Variants in FSTL4 observed in about 807,000 individuals in gnomAD.
FSTL4 encodes follistatin-related protein 4.
In FSTL4, 28 loss-of-function variants were observed where a neutral mutation model predicts 78.2. The observed-to-expected ratio is 0.36, with a 90% CI of 0.27 to 0.49. FSTL4 has a LOEUF of 0.49. Ranked by LOEUF, FSTL4 falls within the 20% of genes least tolerant of loss-of-function variation. The probability of loss-of-function intolerance (pLI) is 0.98; values close to 1 mark genes in which losing one functional copy is unlikely to be tolerated. For missense variants in FSTL4, 922 were observed against 1,084.9 expected, an observed-to-expected ratio of 0.85 and a Z score of 2.11; for synonymous variants, 422 against 440.5, an observed-to-expected ratio of 0.96 and a Z score of 0.53.
chr5:133,214,989 T>G (rs1038381041), intron 13 of FSTL4, among the ~76,000 whole-genome samples: 1 of 152,182 alleles, frequency 6.6e-6, no homozygotes, highest in African/African-American at 2.4e-5. Context: ...CTCCATTTCC[T>G]CACCTACGAT....
chr5:133,674,053 C>T, the FSTL4 span, among the ~76,000 whole-genome samples: 12 of 152,194 alleles, frequency 7.9e-5, no homozygotes, highest in Admixed American at 2.6e-4. Flanking sequence ...CGCTGTGATA[C>T]AGCAACAACA....
At chr5:133,649,786 T>C in the FSTL4 span, among the ~76,000 whole-genome samples, 5 of 152,300 alleles carry the variant, frequency 3.3e-5, no homozygotes, top group South Asian at 1.0e-3. Flanking sequence ...TTTGTAAATA[T>C]TTCCTCCCAG....
chr5:133,351,968 CT>C (rs11418609), intron 4 of FSTL4, among the ~76,000 whole-genome samples: 2 of 151,276 alleles, frequency 1.3e-5, no homozygotes, highest in African/African-American at 2.4e-5. Context: ...TAGTATGGCT[CT>C]TTTTTTTATT....
intron 3 of FSTL4, among the ~76,000 whole-genome samples, chr5:133,508,427 A>G (rs1758657126): frequency 6.6e-6 from 1 of 152,202 alleles, no homozygotes; most frequent in South Asian, 2.1e-4. Context: ...ACTCCCCAGC[A>G]TATTTTGCAG....
the FSTL4 span, among the ~76,000 whole-genome samples, chr5:133,743,527 T>C: frequency 0.018 from 2,778 of 152,240 alleles, 86 homozygotes; most frequent in African/African-American, 0.063. Context: ...TACGAAAAGA[T>C]TGATGATGAT....
At chr5:133,821,546 A>ACACAC in the FSTL4 span, among the ~76,000 whole-genome samples, 1 of 152,190 alleles carries the variant, frequency 6.6e-6, no homozygotes, top group East Asian at 1.9e-4. Context: ...CCACTCTAGA[A>ACACAC]ACAGTGGGAA....
At chr5:133,572,786 A>G (rs1029687664) in intron 2 of FSTL4, among the ~76,000 whole-genome samples, 1 of 152,204 alleles carries the variant, frequency 6.6e-6, no homozygotes, top group African/African-American at 2.4e-5. Context: ...ACTGTCCCAA[A>G]AATGGCAAAA....
At chr5:133,333,086 C>T (rs1482102101) in intron 4 of FSTL4, among the ~76,000 whole-genome samples, 1 of 152,182 alleles carries the variant, frequency 6.6e-6, no homozygotes, top group African/African-American at 2.4e-5. Flanking sequence ...AGCTGTGGAT[C>T]TGGGTGTGCA....
chr5:133,465,661 C>G (rs1757691769), intron 3 of FSTL4, among the ~76,000 whole-genome samples: 1 of 152,214 alleles, frequency 6.6e-6, no homozygotes, highest in African/African-American at 2.4e-5. Context: ...GGCCAGTGCT[C>G]ACTGTCCTGG....
rs376629637 is a variant in FSTL4 at position 133,258,592 on chromosome 5, AAC to A, written c.728-9018_728-9017del. On this transcript the variant is annotated intron_variant, in intron 6 of 15. Coordinates refer to ENST00000265342, the MANE Select transcript of FSTL4 (RefSeq NM_015082.2). ...TGTTGGTTTTATTTTTCTGGAGGATAACACAGTCATCATCCATGCTCTCCTCT... is the reference window on the plus strand; with the variant it reads ...TGTTGGTTTTATTTTTCTGGAGGATAACAGTCATCATCCATGCTCTCCTCT... Among the ~76,000 whole-genome samples, 188 of 152,302 alleles carry A rather than the reference AAC, an allele frequency of 1.2e-3. 1 individual carries two copies. The highest frequency in any genetic ancestry group is 4.4e-3 in the African/African-American group (184 of 41,558).
chr5:133,299,100 C>T (rs1753471945), intron 6 of FSTL4, among the ~76,000 whole-genome samples: 1 of 152,228 alleles, frequency 6.6e-6, no homozygotes, highest in Non-Finnish European at 1.5e-5. Flanking sequence ...ACACTGCTCA[C>T]TCTGGGGCCT....
chr5:133,664,692 G>T, the FSTL4 span, among the ~76,000 whole-genome samples: 1 of 152,148 alleles, frequency 6.6e-6, no homozygotes, highest in African/African-American at 2.4e-5. Flanking sequence ...TTTCTACTTA[G>T]TTCTCAATGA....
At chr5:133,299,612 C>T (rs373036956) in intron 6 of FSTL4, among the ~76,000 whole-genome samples, 1 of 152,112 alleles carries the variant, frequency 6.6e-6, no homozygotes, top group Non-Finnish European at 1.5e-5. Context: ...TTAGAGAATT[C>T]GAGGGAAGCA....
chr5:133,660,853 A>G, the FSTL4 span, among the ~76,000 whole-genome samples: 1 of 152,250 alleles, frequency 6.6e-6, no homozygotes, highest in Admixed American at 6.5e-5. Flanking sequence ...TCCAAGGAGT[A>G]AATCCAGTGA....
intron 4 of FSTL4, among the ~76,000 whole-genome samples, chr5:133,390,476 G>C (rs988708073): frequency 2.0e-5 from 3 of 152,228 alleles, no homozygotes; most frequent in African/African-American, 7.2e-5. Flanking sequence ...TGGCCCTCAT[G>C]AGGCACCCAG....
chr5:133,231,199 C>T (rs1751486567), intron 8 of FSTL4, among the ~76,000 whole-genome samples: 1 of 151,774 alleles, frequency 6.6e-6, no homozygotes, highest in Non-Finnish European at 1.5e-5. Context: ...AAAAACCCTT[C>T]TCTTTATCCC....
At chr5:133,816,922 G>A in the FSTL4 span, among the ~76,000 whole-genome samples, 1 of 152,152 alleles carries the variant, frequency 6.6e-6, no homozygotes, top group Non-Finnish European at 1.5e-5. Context: ...GGAAGCGGCA[G>A]GGAGATCAGG....
chr5:133,522,679 T>C lies in FSTL4; in HGVS notation c.160+44507A>G, dbSNP rs527951170. Among the ~76,000 whole-genome samples, 4 of 152,368 alleles carry C rather than the reference T, an allele frequency of 2.6e-5. No individual in the cohort carries two copies. The East Asian group carries it at 7.7e-4, about 29-fold the overall frequency. ...AAATTAAGCTAATTGATTATCCAAT[T>C]GACACGTTCTTAGCATGTGTCTGCC... On this transcript the variant is annotated intron_variant, in intron 3 of 15. Coordinates refer to ENST00000265342, the MANE Select transcript of FSTL4 (RefSeq NM_015082.2).
chr5:133,288,071 G>A (rs1753178502), intron 6 of FSTL4, among the ~76,000 whole-genome samples: 1 of 152,220 alleles, frequency 6.6e-6, no homozygotes, highest in African/African-American at 2.4e-5. Context: ...CCTGTTTGAG[G>A]ACTGAACTAC....
Sources: allele counts gnomAD v4.1 joint callset (sites outside exome capture counted in the v4.1 genomes callset), GRCh38; gene constraint gnomAD v4.1.1; transcripts MANE v1.5; gene names NCBI Gene and HGNC (gene_info 2026-07-23, HGNC 2026-07-21).